Variants in PTPRK observed in about 807,000 individuals in gnomAD.
PTPRK encodes the protein protein tyrosine phosphatase receptor type K.
In PTPRK, 75 loss-of-function variants were observed where a neutral mutation model predicts 178.0. The observed-to-expected ratio is 0.42, with a 90% CI of 0.35 to 0.51. The LOEUF is 0.51. PTPRK is among the 20% of genes least tolerant of loss of function. The pLI is 0.02. For synonymous variants in PTPRK, 637 were observed against 620.6 expected, an observed-to-expected ratio of 1.03 and a Z score of -0.39; for missense variants, 1,441 against 1,797.8, an observed-to-expected ratio of 0.80 and a Z score of 3.59.
chr6:128,272,779 A>T (rs915355673), intron 3 of PTPRK, among the ~76,000 whole-genome samples: 3 of 152,198 alleles, frequency 2.0e-5, no homozygotes, highest in Admixed American at 6.5e-5. Context: ...AACTAGTTCA[A>T]CCATTGTGGA....
chr6:128,505,156 T>C (rs1192326593), intron 1 of PTPRK, among the ~76,000 whole-genome samples: 1 of 148,378 alleles, frequency 6.7e-6, no homozygotes, highest in Admixed American at 6.8e-5. Context: ...CAGGCTGGAG[T>C]GCAGTGGCGA....
chr6:128,396,868 C>T (rs560597874), intron 2 of PTPRK, among the ~76,000 whole-genome samples: 71 of 152,012 alleles, frequency 4.7e-4, no homozygotes, highest in Non-Finnish European at 9.0e-4. Flanking sequence ...CGTGGCAGTG[C>T]ACGCCTGTAG....
At chr6:128,460,226 G>C (rs542886794) in intron 1 of PTPRK, among the ~76,000 whole-genome samples, 1 of 152,114 alleles carries the variant, frequency 6.6e-6, no homozygotes, top group Admixed American at 6.6e-5. Flanking sequence ...GTATGTCCCA[G>C]CTGTGGTTTG....
At chr6:128,461,231 C>CGT (rs144928884) in intron 1 of PTPRK, among the ~76,000 whole-genome samples, 8,367 of 147,018 alleles carry the variant, frequency 0.057, 331 homozygotes, top group East Asian at 0.12. Flanking sequence ...TTTGTTATTC[C>CGT]GTGTGTGTGT....
intron 1 of PTPRK, among the ~76,000 whole-genome samples, chr6:128,512,500 T>C (rs1857336148): frequency 6.6e-6 from 1 of 152,188 alleles, no homozygotes; most frequent in Admixed American, 6.5e-5. Context: ...GCAGTTGTGA[T>C]TTAATCAGAG....
At chr6:128,455,972 C>A (rs149842078) in intron 1 of PTPRK, among the ~76,000 whole-genome samples, 5 of 152,090 alleles carry the variant, frequency 3.3e-5, no homozygotes, top group Non-Finnish European at 5.9e-5. Flanking sequence ...GATCTCCCAG[C>A]GTGAAATCAG....
rs562028800 is a variant in PTPRK at position 128,112,650 on chromosome 6, T to C, written c.1163-22658A>G. ...CTGGCAATTGCCCTGCCTTGGCAAG[T>C]TCATTTTCAAAACACAACAGACAAA... On this transcript the variant is annotated intron_variant, in intron 7 of 29. Transcript: ENST00000368226. 8.6e-4 allele frequency among the ~76,000 whole-genome samples: 131 copies of C among 152,222 alleles called. 2 individuals are homozygous for C. Among genetic ancestry groups the C allele is most frequent in the Non-Finnish European group, 1.8e-3 (121 of 67,954 alleles).
At chr6:128,486,342 T>C (rs1329767979) in intron 1 of PTPRK, among the ~76,000 whole-genome samples, 1 of 152,140 alleles carries the variant, frequency 6.6e-6, no homozygotes, top group African/African-American at 2.4e-5. Flanking sequence ...AAATCCCAAG[T>C]ATTTATTAGT....
intron 6 of PTPRK, among the ~76,000 whole-genome samples, chr6:128,202,373 G>A (rs554619812): frequency 2.0e-5 from 3 of 152,254 alleles, no homozygotes; most frequent in African/African-American, 7.2e-5. Flanking sequence ...AGGCTACTAG[G>A]GCCTTGGGTC....
chr6:128,340,756 T>G, intron 2 of PTPRK: 1 of 467,660 alleles, frequency 2.1e-6, no homozygotes, highest in Non-Finnish European at 4.2e-6. Context: ...AAATAGGTAC[T>G]TCTTTGTTTT....
chr6:128,365,029 G>C (rs1835295024), intron 2 of PTPRK, among the ~76,000 whole-genome samples: 1 of 151,886 alleles, frequency 6.6e-6, no homozygotes, highest in African/African-American at 2.4e-5. Context: ...TTTAAGAATA[G>C]GTTTGTAACG....
intron 25 of PTPRK, among the ~76,000 whole-genome samples, chr6:127,979,512 G>T (rs757516270): frequency 1.4e-4 from 22 of 152,156 alleles, no homozygotes; most frequent in Non-Finnish European, 2.6e-4. Context: ...AATATAAAAA[G>T]AAAAGGTATA....
chr6:128,505,419 C>A (rs1856186884), intron 1 of PTPRK, among the ~76,000 whole-genome samples: 1 of 151,544 alleles, frequency 6.6e-6, no homozygotes, highest in African/African-American at 2.4e-5. Context: ...CCAGCCTGGG[C>A]AACAAGAGCG....
intron 1 of PTPRK, among the ~76,000 whole-genome samples, chr6:128,517,934 C>T (rs948578559): frequency 1.3e-5 from 2 of 152,172 alleles, no homozygotes; most frequent in African/African-American, 2.4e-5. Context: ...ATATGGAATA[C>T]ACCTCCAATC....
chr6:128,160,304 G>A lies in PTPRK; in HGVS notation c.1162+24128C>T, dbSNP rs1052344231. 9.9e-5 allele frequency among the ~76,000 whole-genome samples: 15 copies of A among 151,764 alleles called. No homozygotes were observed. The East Asian group carries it at 2.5e-3, about 26-fold the overall frequency. On this transcript the variant is annotated intron_variant, in intron 7 of 29. Coordinates refer to ENST00000368226, the MANE Select transcript of PTPRK (RefSeq NM_002844.4). ...CTCTTTTTATACACATACATAAACAGATACACAGCATATTTGTGGTATTAA... is the reference window on the plus strand; with the variant it reads ...CTCTTTTTATACACATACATAAACAAATACACAGCATATTTGTGGTATTAA...
chr6:127,991,158 T>C, intron 20 of PTPRK, 136 bp downstream of exon 20: 1 of 649,410 alleles, frequency 1.5e-6, no homozygotes, highest in Non-Finnish European at 2.6e-6. Flanking sequence ...AAGGTCTACT[T>C]AGAAGTACTC....
chr6:128,203,442 A>G (rs924462268), intron 6 of PTPRK, among the ~76,000 whole-genome samples: 2 of 152,210 alleles, frequency 1.3e-5, no homozygotes, highest in Non-Finnish European at 2.9e-5. Flanking sequence ...ATCAGGCAAG[A>G]CAAAGAAATA....
At chr6:128,245,969 A>G (rs575695517) in intron 3 of PTPRK, among the ~76,000 whole-genome samples, 1 of 152,310 alleles carries the variant, frequency 6.6e-6, no homozygotes, top group South Asian at 2.1e-4. Flanking sequence ...TTAACCCCAT[A>G]ATATGAATAT....
chr6:128,178,650 A>G (rs973782999), intron 7 of PTPRK, among the ~76,000 whole-genome samples: 3 of 142,442 alleles, frequency 2.1e-5, no homozygotes, highest in African/African-American at 8.2e-5. Flanking sequence ...GATGCTGTAG[A>G]GAAGACATCT....
Sources: allele counts gnomAD v4.1 joint callset (sites outside exome capture counted in the v4.1 genomes callset), GRCh38; gene constraint gnomAD v4.1.1; transcripts MANE v1.5; gene names NCBI Gene and HGNC (gene_info 2026-07-23, HGNC 2026-07-21).